The following HS3ST5 variants were observed in gnomAD, a reference collection of about 807,000 sequenced individuals.
HS3ST5 encodes heparan sulfate glucosamine 3-O-sulfotransferase 5.
Under a neutral mutation model 25.4 loss-of-function variants are expected in HS3ST5, and 10 were observed. The observed-to-expected ratio is 0.39, with a 90% CI of 0.24 to 0.67. The LOEUF is 0.67. Among genes scored for constraint, HS3ST5 ranks in the 30% least tolerant of loss-of-function variants. HS3ST5 has a pLI of 0.44. For synonymous variants in HS3ST5, 170 were observed against 162.4 expected (o/e 1.05, Z -0.36); for missense variants, 324 against 420.7 (o/e 0.77, Z 2.01).
At chr6:114,121,710 A>G (rs368484624) in intron 3 of HS3ST5, among the ~76,000 whole-genome samples, 2 of 152,226 alleles carry the variant, frequency 1.3e-5, no homozygotes, top group African/African-American at 4.8e-5. Flanking sequence ...TTTTAAAAAA[A>G]CAACCACTGT....
chr6:114,085,614 C>T (rs183224053), intron 3 of HS3ST5, among the ~76,000 whole-genome samples: 14 of 152,274 alleles, frequency 9.2e-5, no homozygotes, highest in African/African-American at 3.4e-4. Context: ...CCCACAAAAC[C>T]ATCAGAATGG....
intron 2 of HS3ST5, among the ~76,000 whole-genome samples, chr6:114,196,650 T>G (rs1259439659): frequency 1.5e-5 from 2 of 130,432 alleles, no homozygotes; most frequent in East Asian, 4.3e-4. Context: ...AGGCTGGAGC[T>G]CCACAAAAAA....
chr6:114,306,375 A>C, intron 1 of HS3ST5, among the ~76,000 whole-genome samples: 1 of 149,988 alleles, frequency 6.7e-6, no homozygotes, highest in East Asian at 1.9e-4. Context: ...AAAATCATTT[A>C]CATATAAATT....
At chr6:114,145,355 T>G (rs73767014) in intron 3 of HS3ST5, among the ~76,000 whole-genome samples, 89 of 152,312 alleles carry the variant, frequency 5.8e-4, no homozygotes, top group African/African-American at 2.1e-3. Context: ...TCAAAATGGT[T>G]TAGTGTGCTT....
intron 1 of HS3ST5, among the ~76,000 whole-genome samples, chr6:114,273,102 G>A (rs1773702512): frequency 6.6e-6 from 1 of 151,994 alleles, no homozygotes; most frequent in African/African-American, 2.4e-5. Flanking sequence ...CAAGGGCAGA[G>A]GAAAGGACAA....
chr6:114,208,619 C>T (rs901788119), intron 2 of HS3ST5, among the ~76,000 whole-genome samples: 1 of 152,244 alleles, frequency 6.6e-6, no homozygotes, highest in African/African-American at 2.4e-5. Flanking sequence ...TTCAAATTGC[C>T]GTGTTGACTC....
intron 1 of HS3ST5, among the ~76,000 whole-genome samples, chr6:114,289,854 T>A (rs1774495616): frequency 6.6e-6 from 1 of 152,100 alleles, no homozygotes; most frequent in Non-Finnish European, 1.5e-5. Flanking sequence ...GGCTTTGAAA[T>A]CAAAGTTAAA....
chr6:114,182,227 C>A (rs1780006435), intron 2 of HS3ST5, among the ~76,000 whole-genome samples: 1 of 152,058 alleles, frequency 6.6e-6, no homozygotes, highest in African/African-American at 2.4e-5. Context: ...AGAGATTGAT[C>A]ATCCCTAAGC....
intron 3 of HS3ST5, among the ~76,000 whole-genome samples, chr6:114,162,977 G>A (rs1264786897): frequency 6.6e-6 from 1 of 152,092 alleles, no homozygotes; most frequent in Non-Finnish European, 1.5e-5. Context: ...GGGGGGTTTT[G>A]AATTATTATC....
intron 3 of HS3ST5, among the ~76,000 whole-genome samples, chr6:114,132,620 C>A (rs1022376484): frequency 6.6e-6 from 1 of 152,176 alleles, no homozygotes; most frequent in African/African-American, 2.4e-5. Flanking sequence ...TGGAGATTGC[C>A]TGGTCCAAGT....
chr6:114,058,010 A>T lies in HS3ST5; in HGVS notation c.288T>A (p.Ile96=). ...CCCTTGTGCCTCCTTTCCTCACCCCAATGATAATGGCCTTGGGGAGCTGCT... is the reference window on the plus strand; with the variant it reads ...CCCTTGTGCCTCCTTTCCTCACCCCTATGATAATGGCCTTGGGGAGCTGCT... ...LVQQLPKAII[I]GVRKGGTRAL... The change falls in exon 5 of 5, where the codon ATT becomes ATA. Residue 96 remains isoleucine, a synonymous_variant. Coordinates refer to ENST00000312719, the MANE Select transcript of HS3ST5 (RefSeq NM_153612.4). 1.2e-6 allele frequency: 2 copies of T among 1,614,134 alleles called. No homozygotes were observed.
Position 114,180,001 on chromosome 6 carries a change from C to T in HS3ST5, c.-144-11539G>A, listed in dbSNP as rs146573379. Among the ~76,000 whole-genome samples, 180 of 152,222 alleles carry T rather than the reference C, an allele frequency of 1.2e-3. 3 individuals are homozygous for T. The East Asian group carries it at 0.032, about 27-fold the overall frequency. Reference sequence around the variant, plus strand: ...AGAAGACTCAGCAAGTCATCTTCTTCCACCTTCTTCTGCCTGCTTTTTCTA... The same window carrying T: ...AGAAGACTCAGCAAGTCATCTTCTTTCACCTTCTTCTGCCTGCTTTTTCTA... On this transcript the variant is annotated intron_variant, in intron 2 of 4. Coordinates refer to ENST00000312719, the MANE Select transcript of HS3ST5 (RefSeq NM_153612.4).
intron 1 of HS3ST5, among the ~76,000 whole-genome samples, chr6:114,285,567 G>A (rs1201133888): frequency 6.6e-6 from 1 of 151,978 alleles, no homozygotes; most frequent in Non-Finnish European, 1.5e-5. Flanking sequence ...AGTGAAATTA[G>A]CCAATCACAG....
At chr6:114,077,342 C>T (rs1246540809) in intron 3 of HS3ST5, among the ~76,000 whole-genome samples, 1 of 152,188 alleles carries the variant, frequency 6.6e-6, no homozygotes, top group Non-Finnish European at 1.5e-5. Context: ...CCCAGTATCT[C>T]ACTGGTATAG....
chr6:114,219,189 T>C (rs745437720), intron 2 of HS3ST5, among the ~76,000 whole-genome samples: 57 of 152,334 alleles, frequency 3.7e-4, no homozygotes, highest in Non-Finnish European at 7.1e-4. Context: ...TACACTATAT[T>C]GTCTGTCAAG....
intron 1 of HS3ST5, among the ~76,000 whole-genome samples, chr6:114,321,339 T>C (rs1362785992): frequency 1.3e-5 from 2 of 152,152 alleles, no homozygotes; most frequent in Admixed American, 1.3e-4. Context: ...CTTTCCCTTT[T>C]AATTTTTTCT....
chr6:114,239,864 T>C (rs1183914486), intron 1 of HS3ST5, among the ~76,000 whole-genome samples: 7 of 152,156 alleles, frequency 4.6e-5, no homozygotes, highest in African/African-American at 1.7e-4. Context: ...CATGCATTTG[T>C]TCATCCAACA....
At chr6:114,091,865 A>G (rs868501239) in intron 3 of HS3ST5, among the ~76,000 whole-genome samples, 1 of 152,176 alleles carries the variant, frequency 6.6e-6, no homozygotes, top group African/African-American at 2.4e-5. Context: ...GTCAGAGCAT[A>G]GCAGCCACAG....
chr6:114,232,938 TA>T (rs1263384910), intron 1 of HS3ST5, among the ~76,000 whole-genome samples: 9 of 152,154 alleles, frequency 5.9e-5, no homozygotes, highest in Non-Finnish European at 1.3e-4. Context: ...ATCCCTTGTG[TA>T]AAAACTTTTA....
Sources: allele counts gnomAD v4.1 joint callset (sites outside exome capture counted in the v4.1 genomes callset), GRCh38; gene constraint gnomAD v4.1.1; transcripts MANE v1.5; gene names NCBI Gene and HGNC (gene_info 2026-07-23, HGNC 2026-07-21).